ITGA4: variants seen among roughly 807,000 people sequenced by gnomAD.
ITGA4 encodes integrin subunit alpha 4, also known as integrin alpha-4.
ITGA4 carries 63 observed loss-of-function variants against 133.6 expected under a neutral mutation model. That is an observed-to-expected ratio of 0.47 (90% CI 0.38 to 0.58). The LOEUF is 0.58. Ranked by LOEUF, ITGA4 falls within the 20% of genes least tolerant of loss-of-function variation. The probability of loss-of-function intolerance (pLI) is 0.00; values close to 1 mark genes in which losing one functional copy is unlikely to be tolerated. For missense variants in ITGA4, 1,076 were observed against 1,252.7 expected (o/e 0.86, Z 2.13); for synonymous variants, 483 against 438.0 (o/e 1.10, Z -1.28).
intron 9 of ITGA4, 57 bp from the exon 10 acceptor site, chr2:181,485,824 C>T (rs1217331568): frequency 8.7e-6 from 12 of 1,381,352 alleles, no homozygotes; most frequent in Non-Finnish European, 9.1e-6. Flanking sequence ...AACAGTAAAT[C>T]GTGTAAAGTT....
intron 21 of ITGA4, among the ~76,000 whole-genome samples, chr2:181,526,821 C>CTTTTTTTTTTTTTTGTTTTTTTTTTTT (rs1686839224): frequency 2.4e-5 from 1 of 40,994 alleles, no homozygotes; most frequent in Non-Finnish European, 5.5e-5. Flanking sequence ...AGCACATGGC[C>CTTTTTTTTTTTTTTGTTTTTTTTTTTT]TTTTTTTTTT....
chr2:181,509,935 T>C lies in ITGA4; in HGVS notation c.1845+128T>C. 4.7e-6 allele frequency: 3 copies of C among 635,980 alleles called. 1 individual carries two copies. The South Asian group carries it at 6.1e-5, about 13-fold the overall frequency. The allele number at this position is 635,980 out of a possible 1,614,324, so 39.4% of individuals were successfully genotyped here. A position where few individuals can be genotyped will look rare whatever the true frequency, so the allele number is the denominator to read the frequency against. ...AAATACGAATTTTTAAAAACAAAAA[T>C]AGATTTATTCATTTCTTTAAATTGT... On this transcript the variant is annotated intron_variant, in intron 16 of 27. Coordinates refer to ENST00000397033, the MANE Select transcript of ITGA4 (RefSeq NM_000885.6).
rs1246346746 is a variant in ITGA4 at position 181,457,512 on chromosome 2, C to T, written c.-143C>T. The T allele has an allele frequency of 2.2e-5, 17 of 767,412 alleles. No homozygotes were observed. The Admixed American group carries it at 3.8e-4, about 17-fold the overall frequency. The allele number at this position is 767,412 out of a possible 1,614,324, so 47.5% of individuals were successfully genotyped here. ...GGTGGGCCGACTTCCCCTCCTCTTC[C>T]CTCTCTCCTTCCTTTAGCCCGCTGG... On this transcript the variant is annotated 5_prime_UTR_variant, in exon 1 of 28. Transcript: ENST00000397033.
At chr2:181,493,130 C>A in intron 10 of ITGA4, 195 bp from the exon 11 acceptor site, 1 of 467,368 alleles carries the variant, frequency 2.1e-6, no homozygotes, top group Non-Finnish European at 3.8e-6. Flanking sequence ...CTGCTTTCTT[C>A]CATGTGCAAA....
intron 20 of ITGA4, 86 bp downstream of exon 20, chr2:181,524,336 C>A: frequency 2.8e-6 from 2 of 722,530 alleles, no homozygotes; most frequent in Middle Eastern, 2.5e-4. Context: ...AAACTGTGTT[C>A]CATTAATTGT....
chr2:181,487,579 A>C (rs949713221), intron 10 of ITGA4, among the ~76,000 whole-genome samples: 7 of 152,234 alleles, frequency 4.6e-5, no homozygotes, highest in African/African-American at 1.7e-4. Flanking sequence ...GTATAGCAAT[A>C]AGAAATTGTT....
At chr2:181,511,672 T>C (rs200789899) in intron 16 of ITGA4, 27 bp from the exon 17 acceptor site, 2 of 1,305,752 alleles carry the variant, frequency 1.5e-6, no homozygotes, top group Non-Finnish European at 2.2e-6. Context: ...TAAATCAAAA[T>C]AAAAAACGTT....
In ITGA4 at chr2:181,537,999, A is replaced by G. The variant is rs767972241; in HGVS notation, c.*2472A>G. On this transcript the variant is annotated 3_prime_UTR_variant, in exon 28 of 28. Coordinates refer to ENST00000397033, the MANE Select transcript of ITGA4 (RefSeq NM_000885.6). ...GGGATCTAGAGTGCCATGTTCCTCA[A>G]GAGAATCTAATGCCTGATGATCTGA... 13 of 680,402 alleles carry G rather than the reference A, an allele frequency of 1.9e-5. No homozygotes were observed. Among genetic ancestry groups the G allele is most frequent in the Middle Eastern group, 3.9e-4 (1 of 2,568 alleles). The allele number at this position is 680,402 out of a possible 1,614,324, so 42.1% of individuals were successfully genotyped here. A position where few individuals can be genotyped will look rare whatever the true frequency, so the allele number is the denominator to read the frequency against.
chr2:181,465,658 T>G (rs1050337279), intron 2 of ITGA4, among the ~76,000 whole-genome samples: 1 of 152,188 alleles, frequency 6.6e-6, no homozygotes, highest in Non-Finnish European at 1.5e-5. Flanking sequence ...TATTTTCTAA[T>G]GTTAGAGGTT....
In ITGA4 at chr2:181,509,917, A is replaced by G. The variant is rs55892152; in HGVS notation, c.1845+110A>G. The G allele has an allele frequency of 5.8e-3, 4,239 of 732,340 alleles. 16 individuals carry two copies. The highest frequency in any genetic ancestry group is 8.3e-3 in the Non-Finnish European group (3,751 of 453,254). The allele number at this position is 732,340 out of a possible 1,614,324, so 45.4% of individuals were successfully genotyped here. ...ATATGTCGGAATTTTTAAAAATACG[A>G]ATTTTTAAAAACAAAAATAGATTTA... On this transcript the variant is annotated intron_variant, in intron 16 of 27. Coordinates refer to ENST00000397033, the MANE Select transcript of ITGA4 (RefSeq NM_000885.6).
intron 17 of ITGA4, among the ~76,000 whole-genome samples, chr2:181,517,827 C>G (rs935380189): frequency 6.6e-6 from 1 of 152,160 alleles, no homozygotes; most frequent in African/African-American, 2.4e-5. Context: ...TGTCTTGGAA[C>G]CTAGCTGTTT....
At chr2:181,489,397 A>AC (rs397690156) in intron 10 of ITGA4, among the ~76,000 whole-genome samples, 1 of 151,126 alleles carries the variant, frequency 6.6e-6, no homozygotes, top group East Asian at 2.0e-4. Flanking sequence ...GCATGAAAAA[A>AC]TCGGTCAGAC....
chr2:181,534,902 T>A lies in ITGA4; in HGVS notation c.2970T>A (p.Ile990=). 1 of 1,592,524 alleles carries A rather than the reference T, an allele frequency of 6.3e-7. No homozygotes were observed. Among genetic ancestry groups the A allele is most frequent in the Non-Finnish European group, 8.5e-7 (1 of 1,173,072 alleles). Residue 990 remains isoleucine, a synonymous_variant, in exon 27 of 28, where the codon ATT becomes ATA. Coordinates refer to ENST00000397033, the MANE Select transcript of ITGA4 (RefSeq NM_000885.6). ...IISSSLLLGL[I]VLLLISYVMW... Reference sequence around the variant, plus strand: ...CAAGTAGCTTGCTACTTGGACTTATTGTACTTCTATTGATCTCATATGTTA... The same window carrying A: ...CAAGTAGCTTGCTACTTGGACTTATAGTACTTCTATTGATCTCATATGTTA...
In ITGA4 at chr2:181,523,585, A is replaced by G; in HGVS notation, c.2169+53A>G. 1.0e-6 allele frequency: 1 copy of G among 964,272 alleles called. No individual in the cohort carries two copies. Among genetic ancestry groups the G allele is most frequent in the Non-Finnish European group, 1.7e-6 (1 of 602,988 alleles). The allele number at this position is 964,272 out of a possible 1,614,324, so 59.7% of individuals were successfully genotyped here. A position where few individuals can be genotyped will look rare whatever the true frequency, so the allele number is the denominator to read the frequency against. On this transcript the variant is annotated intron_variant, in intron 19 of 27. Transcript: ENST00000397033. The surrounding 1 kb of genome is among the most constrained non-coding windows in gnomAD (Gnocchi z 4.2). The stretch of plus-strand genomic sequence containing the variant: ...TTCACTATCATGAATATTTTTTTCT[A>G]TTCTTCCCTATCTTTAGGTTGCATA...
chr2:181,538,567 C>T lies in ITGA4; in HGVS notation c.*3040C>T, dbSNP rs1402878853. ...TAACCACTGAGTGTCACAATGCCTA[C>T]CAAGAATGCGTTTGCAGGTTCCTAA... On this transcript the variant is annotated 3_prime_UTR_variant, in exon 28 of 28. Coordinates refer to ENST00000397033, the MANE Select transcript of ITGA4 (RefSeq NM_000885.6). Among the ~76,000 whole-genome samples, 1 of 152,120 alleles carries T rather than the reference C, an allele frequency of 6.6e-6. No individual in the cohort carries two copies. The highest frequency in any genetic ancestry group is 1.5e-5 in the Non-Finnish European group (1 of 68,012).
chr2:181,467,552 C>T (rs1685450190), intron 2 of ITGA4, among the ~76,000 whole-genome samples: 1 of 152,054 alleles, frequency 6.6e-6, no homozygotes, highest in Non-Finnish European at 1.5e-5. Context: ...GTGGAAATGC[C>T]AAAATACTGA....
In ITGA4 at chr2:181,471,226, A is replaced by G. The variant is rs115469346; in HGVS notation, c.320-3734A>G. On this transcript the variant is annotated intron_variant, in intron 2 of 27. Transcript: ENST00000397033. ...TATATGAAATAAGCAGAAGATGTTTAGTCAAACCATAATAGAAGCTTTGAA... is the reference window on the plus strand; with the variant it reads ...TATATGAAATAAGCAGAAGATGTTTGGTCAAACCATAATAGAAGCTTTGAA... 6.0e-3 allele frequency among the ~76,000 whole-genome samples: 921 copies of G among 152,292 alleles called. 10 individuals are homozygous for G. Among genetic ancestry groups the G allele is most frequent in the African/African-American group, 0.021 (863 of 41,550 alleles).
intron 22 of ITGA4, among the ~76,000 whole-genome samples, chr2:181,527,981 CTGATA>C (rs1371357649): frequency 1.3e-5 from 2 of 152,084 alleles, no homozygotes. Flanking sequence ...TGCTGTCAAA[CTGATA>C]TTTTTATTGT....
intron 15 of ITGA4, among the ~76,000 whole-genome samples, chr2:181,504,586 C>G (rs1266881390): frequency 2.0e-5 from 3 of 152,000 alleles, no homozygotes; most frequent in African/African-American, 7.2e-5. Context: ...AACTATATCA[C>G]TGTACTAATA....
Sources: gnomAD v4.1 joint callset for allele counts (sites outside exome capture counted in the v4.1 genomes callset) on GRCh38, gnomAD v4.1.1 for gene constraint, Gnocchi (gnomAD v3.1) non-coding constraint, MANE v1.5 for transcripts, NCBI Gene and HGNC (gene_info 2026-07-23, HGNC 2026-07-21) for gene names.